Variants in FAM184B observed in about 807,000 individuals in gnomAD.
FAM184B encodes protein FAM184B.
In FAM184B, 111 loss-of-function variants were observed where a neutral mutation model predicts 135.9. The observed-to-expected ratio is 0.82, with a 90% CI of 0.70 to 0.96. The LOEUF is 0.96. Ranked by LOEUF, FAM184B falls within the 40% of genes least tolerant of loss-of-function variation. FAM184B has a pLI of 0.00. For synonymous variants in FAM184B, 552 were observed against 524.8 expected (o/e 1.05, Z -0.71); for missense variants, 1,375 against 1,323.9 (o/e 1.04, Z -0.60).
intron 1 of FAM184B, among the ~76,000 whole-genome samples, chr4:17,748,200 G>A (rs1211464437): frequency 2.0e-5 from 3 of 151,298 alleles, no homozygotes; most frequent in Non-Finnish European, 2.9e-5. Flanking sequence ...CTGCTCCACC[G>A]GAACCTCTCT....
intron 1 of FAM184B, among the ~76,000 whole-genome samples, chr4:17,759,155 C>T (rs183437551): frequency 2.0e-4 from 30 of 152,254 alleles, no homozygotes; most frequent in African/African-American, 6.0e-4. Flanking sequence ...AGGGGGCTGG[C>T]TTCTGTTTCT....
chr4:17,652,146 T>TTTTTTTTTTTTTTTTTTTTTTG (rs762642185), intron 11 of FAM184B, among the ~76,000 whole-genome samples: 1 of 131,934 alleles, frequency 7.6e-6, no homozygotes, highest in Non-Finnish European at 1.6e-5. Flanking sequence ...TTTTTTTTTT[T>TTTTTTTTTTTTTTTTTTTTTTG]TTGAGTCTTG....
chr4:17,696,020 G>A (rs575501758), intron 5 of FAM184B, among the ~76,000 whole-genome samples: 5 of 152,326 alleles, frequency 3.3e-5, no homozygotes, highest in African/African-American at 1.2e-4. Flanking sequence ...TTGTAGAGCA[G>A]CTCTCCTAGG....
At chr4:17,641,925 TC>T in intron 13 of FAM184B, 130 bp downstream of exon 13, 17 of 1,332,584 alleles carry the variant, frequency 1.3e-5, no homozygotes, top group Non-Finnish European at 1.7e-5. Context: ...GTGTCTAGTG[TC>T]TTGTGGGGCA....
At chr4:17,734,104 G>C (rs141128736) in intron 1 of FAM184B, among the ~76,000 whole-genome samples, 1 of 152,162 alleles carries the variant, frequency 6.6e-6, no homozygotes. Context: ...TTAATAAATG[G>C]TGCTGGGAAA....
rs1716644614 is a variant in FAM184B at position 17,688,494 on chromosome 4, G to A, written c.1526C>T (p.Thr509Ile). 15 of 1,550,860 alleles carry A rather than the reference G, an allele frequency of 9.7e-6. No individual in the cohort carries two copies. The highest frequency in any genetic ancestry group is 1.0e-5 in the Non-Finnish European group (12 of 1,146,814). The part of the protein sequence containing the change: ...RLEEFIQQNK[T>I]RPTGAEESPQ... Reference sequence around the variant, plus strand: ...ACTTTCCTCAGCTCCTGTGGGGCGTGTCTTATTTTGTTGGATAAATTCTTC... The same window carrying A: ...ACTTTCCTCAGCTCCTGTGGGGCGTATCTTATTTTGTTGGATAAATTCTTC... The change falls in exon 7 of 18, where the codon ACA becomes ATA. Residue 509 changes from threonine to isoleucine, a missense_variant. Thr to Ile is a moderately conservative substitution (Grantham distance 89). Transcript: ENST00000265018.
chr4:17,737,221 G>T (rs1303019067), intron 1 of FAM184B, among the ~76,000 whole-genome samples: 1 of 152,050 alleles, frequency 6.6e-6, no homozygotes, highest in Non-Finnish European at 1.5e-5. Context: ...TAAAATTAGA[G>T]CTTGCCTTTT....
At chr4:17,639,854 G>T (rs192106956) in intron 13 of FAM184B, among the ~76,000 whole-genome samples, 6 of 150,910 alleles carry the variant, frequency 4.0e-5, no homozygotes, top group Non-Finnish European at 8.8e-5. Flanking sequence ...TTGAGACGGA[G>T]TCTTGCTCTT....
rs1240000468 is a variant in FAM184B, at chr4:17,709,019, T to C, written c.767A>G (p.Lys256Arg). The change falls in exon 2 of 18, where the codon AAG becomes AGG. Residue 256 changes from lysine to arginine, a missense_variant. By Grantham distance (26) the Lys-to-Arg change is conservative. Coordinates refer to ENST00000265018, the MANE Select transcript of FAM184B (RefSeq NM_015688.2). The stretch of plus-strand genomic sequence containing the variant: ...GGCTGACTCCTGGACCTGGAAGTTC[T>C]TGCGGAGGTCCGACTCCTTCTCCTG... ...QWQEKESDLR[K>R]NFQVQESALQ... 3.2e-6 allele frequency: 5 copies of C among 1,550,388 alleles called. No homozygotes were observed. The highest frequency in any genetic ancestry group is 1.4e-5 in the African/African-American group (1 of 73,020).
chr4:17,711,182 G>A (rs1227463724), intron 1 of FAM184B, among the ~76,000 whole-genome samples: 3 of 151,674 alleles, frequency 2.0e-5, no homozygotes, highest in African/African-American at 7.3e-5. Flanking sequence ...GGGAGACTCT[G>A]TCTCTACCAA....
chr4:17,735,873 A>G (rs534886848), intron 1 of FAM184B, among the ~76,000 whole-genome samples: 1 of 152,336 alleles, frequency 6.6e-6, no homozygotes, highest in Admixed American at 6.5e-5. Context: ...TGGCCAACAG[A>G]TGTACAGAGA....
chr4:17,683,271 G>C (rs1331787212), intron 7 of FAM184B, among the ~76,000 whole-genome samples: 1 of 152,218 alleles, frequency 6.6e-6, no homozygotes, highest in African/African-American at 2.4e-5. Context: ...TGAGTGGCAA[G>C]TGATGGTATC....
intron 7 of FAM184B, among the ~76,000 whole-genome samples, chr4:17,681,598 C>G (rs968507687): frequency 6.6e-6 from 1 of 152,184 alleles, no homozygotes; most frequent in African/African-American, 2.4e-5. Flanking sequence ...CTGCCAACGG[C>G]CAGGACAGGT....
intron 5 of FAM184B, among the ~76,000 whole-genome samples, chr4:17,697,158 G>C (rs12503540): frequency 0.61 from 92,993 of 151,950 alleles, 29,031 homozygotes; most frequent in East Asian, 0.93. Flanking sequence ...ACTGAGGAGA[G>C]AGGGAAGTGG....
intron 1 of FAM184B, among the ~76,000 whole-genome samples, chr4:17,767,723 G>A (rs921765885): frequency 4.4e-5 from 1 of 22,604 alleles, no homozygotes; most frequent in African/African-American, 1.6e-4. Context: ...CCCCCCGCCA[G>A]CCCCCTTTGG....
intron 7 of FAM184B, among the ~76,000 whole-genome samples, chr4:17,672,401 C>T (rs996686498): frequency 6.6e-6 from 1 of 152,104 alleles, no homozygotes; most frequent in African/African-American, 2.4e-5. Flanking sequence ...TCTAGTACTA[C>T]GTTGATGAAG....
At chr4:17,670,690 G>C (rs545793965) in intron 7 of FAM184B, among the ~76,000 whole-genome samples, 1 of 152,336 alleles carries the variant, frequency 6.6e-6, no homozygotes, top group East Asian at 1.9e-4. Context: ...ATGGCTCTAT[G>C]AAGTAGCCAG....
chr4:17,664,153 GTGTT>G (rs1257287021), intron 8 of FAM184B, among the ~76,000 whole-genome samples: 1 of 152,172 alleles, frequency 6.6e-6, no homozygotes, highest in African/African-American at 2.4e-5. Flanking sequence ...ATATTTGGGG[GTGTT>G]TGTTAGAGCA....
intron 1 of FAM184B, among the ~76,000 whole-genome samples, chr4:17,741,165 C>G (rs1191955019): frequency 6.6e-6 from 1 of 152,094 alleles, no homozygotes; most frequent in East Asian, 1.9e-4. Context: ...AGCTAACATT[C>G]TAGTGGGAGG....
Sources: gnomAD v4.1 joint callset for allele counts (sites outside exome capture counted in the v4.1 genomes callset) on GRCh38, gnomAD v4.1.1 for gene constraint, MANE v1.5 for transcripts, NCBI Gene and HGNC (gene_info 2026-07-23, HGNC 2026-07-21) for gene names.